GABRG3: variants seen among roughly 807,000 people sequenced by gnomAD.
The protein encoded by GABRG3 is gamma-aminobutyric acid type A receptor subunit gamma3.
In GABRG3, 25 loss-of-function variants were observed where a neutral mutation model predicts 48.8. That is an observed-to-expected ratio of 0.51 (90% confidence interval 0.37 to 0.72). The LOEUF is 0.72. Ranked by LOEUF, GABRG3 falls within the 30% of genes least tolerant of loss-of-function variation. GABRG3 has a pLI of 0.00. For missense variants in GABRG3, 394 were observed against 577.9 expected, an observed-to-expected ratio of 0.68 and a Z score of 3.26; for synonymous variants, 227 against 217.6, an observed-to-expected ratio of 1.04 and a Z score of -0.38.
chr15:27,328,343 G>A (rs1445894427), intron 4 of GABRG3, among the ~76,000 whole-genome samples: 1 of 152,188 alleles, frequency 6.6e-6, no homozygotes, highest in Admixed American at 6.5e-5. Context: ...AGGATGCAGG[G>A]CCCCCATTTG....
intron 3 of GABRG3, among the ~76,000 whole-genome samples, chr15:27,321,162 C>A (rs1893412039): frequency 6.6e-6 from 1 of 152,260 alleles, no homozygotes; most frequent in African/African-American, 2.4e-5. Flanking sequence ...GCCAACAGGG[C>A]CTCCTTGTCT....
chr15:27,028,172 T>A (rs1896017070), intron 3 of GABRG3, among the ~76,000 whole-genome samples: 1 of 152,196 alleles, frequency 6.6e-6, no homozygotes, highest in Non-Finnish European at 1.5e-5. Flanking sequence ...GACAGGCTCC[T>A]TCACGGTGAT....
intron 3 of GABRG3, among the ~76,000 whole-genome samples, chr15:27,281,238 A>T (rs1400739241): frequency 6.6e-6 from 1 of 152,156 alleles, no homozygotes; most frequent in African/African-American, 2.4e-5. Context: ...TTTTAAATGC[A>T]TTCTACCAAT....
intron 3 of GABRG3, among the ~76,000 whole-genome samples, chr15:27,162,644 A>C (rs1887234168): frequency 6.6e-6 from 1 of 152,222 alleles, no homozygotes; most frequent in Non-Finnish European, 1.5e-5. Context: ...GAATAGGGAA[A>C]GAAAATGGGC....
intron 3 of GABRG3, among the ~76,000 whole-genome samples, chr15:27,092,524 G>A (rs1247965298): frequency 6.6e-6 from 1 of 152,174 alleles, no homozygotes; most frequent in Non-Finnish European, 1.5e-5. Flanking sequence ...ACAGGTAATG[G>A]TTGTTCCTGT....
chr15:27,060,376 C>A (rs945321181), intron 3 of GABRG3, among the ~76,000 whole-genome samples: 1 of 152,222 alleles, frequency 6.6e-6, no homozygotes, highest in Non-Finnish European at 1.5e-5. Context: ...AAAGATGTGG[C>A]ATGCTGCTCC....
At chr15:26,972,524 C>G (rs1004138238) in intron 1 of GABRG3, among the ~76,000 whole-genome samples, 1 of 152,128 alleles carries the variant, frequency 6.6e-6, no homozygotes, top group African/African-American at 2.4e-5. Context: ...TGGCCTTTAC[C>G]TCTTTCCCCA....
intron 3 of GABRG3, among the ~76,000 whole-genome samples, chr15:27,108,325 G>T (rs1245884124): frequency 6.6e-6 from 1 of 152,108 alleles, no homozygotes; most frequent in Non-Finnish European, 1.5e-5. Context: ...TGCAGAGTAT[G>T]TTGTTTAATT....
chr15:27,373,405 A>G (rs1352390818), intron 5 of GABRG3, among the ~76,000 whole-genome samples: 1 of 152,218 alleles, frequency 6.6e-6, no homozygotes, highest in Non-Finnish European at 1.5e-5. Flanking sequence ...AGATTGCTGT[A>G]TTAGATACAA....
Position 27,540,214 on chromosome 15 carries a change from A to G in GABRG3, c.*7333A>G, listed in dbSNP as rs888342859. ...CTGCCCTGCCTCAATCAGAATTTCA[A>G]ATTACTATTTAGAAGAACATTCCAT... On this transcript the variant is annotated 3_prime_UTR_variant, in exon 10 of 10. Coordinates refer to ENST00000615808, the MANE Select transcript of GABRG3 (RefSeq NM_033223.5). The G allele has an allele frequency of 1.3e-5, 2 of 152,174 alleles. No homozygotes were observed. Among genetic ancestry groups the G allele is most frequent in the African/African-American group, 4.8e-5 (2 of 41,452 alleles). The allele number at this position is 152,174 out of a possible 1,614,324, so 9.4% of individuals were successfully genotyped here.
rs923558255 is a variant in GABRG3, at chr15:27,457,251, G to A, written c.575-23399G>A. Among the ~76,000 whole-genome samples, 2 of 152,220 alleles carry A rather than the reference G, an allele frequency of 1.3e-5. No homozygotes were observed. The highest frequency in any genetic ancestry group is 6.5e-5 in the Admixed American group (1 of 15,286). ...AGATGTACAGTGCAGGGCCGGCGGG[G>A]TGGTGGAGAGAAAGGAGGCATTTCC... On this transcript the variant is annotated intron_variant, in intron 5 of 9. Transcript: ENST00000615808. This position sits in a 1 kb window ranked among gnomAD's most constrained non-coding sequence, Gnocchi z 4.4.
chr15:27,321,412 C>T (rs1463482878), intron 3 of GABRG3, among the ~76,000 whole-genome samples: 2 of 152,084 alleles, frequency 1.3e-5, no homozygotes, highest in African/African-American at 4.8e-5. Flanking sequence ...GGAAGCCCAC[C>T]GTCAAAGCCA....
intron 3 of GABRG3, among the ~76,000 whole-genome samples, chr15:27,190,814 A>G (rs1473256040): frequency 6.6e-6 from 1 of 151,246 alleles, no homozygotes; most frequent in African/African-American, 2.4e-5. Flanking sequence ...TTTAATTGTG[A>G]TGTTAGGGTG....
intron 5 of GABRG3, among the ~76,000 whole-genome samples, chr15:27,421,847 A>G (rs1294536112): frequency 4.2e-5 from 6 of 144,392 alleles, no homozygotes; most frequent in African/African-American, 1.0e-4. Flanking sequence ...ACCAATACTG[A>G]GTGTTCTAAG....
intron 3 of GABRG3, among the ~76,000 whole-genome samples, chr15:27,176,028 GAAA>G (rs11415524): frequency 7.4e-6 from 1 of 135,420 alleles, no homozygotes; most frequent in Non-Finnish European, 1.6e-5. Flanking sequence ...AGTATGCTGG[GAAA>G]AAAAAAAAAA....
chr15:27,057,370 C>A (rs7167048), intron 3 of GABRG3, among the ~76,000 whole-genome samples: 2,791 of 152,244 alleles, frequency 0.018, 82 homozygotes, highest in African/African-American at 0.063. Flanking sequence ...TTTCTGAAAC[C>A]AGCTTACAGG....
chr15:27,189,811 A>C (rs987499942), intron 3 of GABRG3, among the ~76,000 whole-genome samples: 1 of 152,182 alleles, frequency 6.6e-6, no homozygotes, highest in Admixed American at 6.5e-5. Context: ...GCCAGTTTTC[A>C]AAGGGAATGC....
intron 3 of GABRG3, among the ~76,000 whole-genome samples, chr15:27,285,189 A>G (rs1595638240): frequency 6.6e-6 from 1 of 151,080 alleles, no homozygotes; most frequent in Non-Finnish European, 1.5e-5. Context: ...TTTTTCTATA[A>G]TATGTTTTGT....
At chr15:27,058,548 A>C (rs980587662) in intron 3 of GABRG3, among the ~76,000 whole-genome samples, 2 of 152,080 alleles carry the variant, frequency 1.3e-5, no homozygotes, top group African/African-American at 4.8e-5. Context: ...TTGGGAAGTT[A>C]ATTTATAAAT....
Sources: allele counts gnomAD v4.1 joint callset (sites outside exome capture counted in the v4.1 genomes callset), GRCh38; gene constraint gnomAD v4.1.1; non-coding constraint Gnocchi (gnomAD v3.1); transcripts MANE v1.5; gene names NCBI Gene and HGNC (gene_info 2026-07-23, HGNC 2026-07-21).